The following MACROD2 variants were observed in gnomAD, a reference collection of about 807,000 sequenced individuals.
MACROD2 encodes the protein mono-ADP ribosylhydrolase 2, also known as ADP-ribose glycohydrolase MACROD2.
Under a neutral mutation model 70.4 loss-of-function variants are expected in MACROD2, and 36 were observed. The observed-to-expected ratio is 0.51, with a 90% CI of 0.39 to 0.68. MACROD2 has a LOEUF of 0.68. Ranked by LOEUF, MACROD2 falls within the 30% of genes least tolerant of loss-of-function variation. MACROD2 has a pLI of 0.00. For missense variants in MACROD2, 496 were observed against 538.4 expected, an observed-to-expected ratio of 0.92 and a Z score of 0.78; for synonymous variants, 172 against 178.8, an observed-to-expected ratio of 0.96 and a Z score of 0.30.
At chr20:15,794,813 C>A (rs533200710) in intron 8 of MACROD2, among the ~76,000 whole-genome samples, 6 of 152,116 alleles carry the variant, frequency 3.9e-5, no homozygotes, top group Non-Finnish European at 8.8e-5. Context: ...AACTGACATC[C>A]GTAACAGAGA....
chr20:14,653,239 G>A (rs1227040946), intron 4 of MACROD2, among the ~76,000 whole-genome samples: 2 of 133,342 alleles, frequency 1.5e-5, no homozygotes, highest in South Asian at 4.7e-4. Flanking sequence ...TTTTTTTTGA[G>A]ACGGAGTTTC....
At chr20:14,763,938 C>A (rs2072050750) in intron 5 of MACROD2, among the ~76,000 whole-genome samples, 1 of 152,056 alleles carries the variant, frequency 6.6e-6, no homozygotes, top group South Asian at 2.1e-4. Flanking sequence ...GGTTCACAAA[C>A]CTCAGATATA....
chr20:14,535,864 C>G (rs1011233918), intron 4 of MACROD2, among the ~76,000 whole-genome samples: 2 of 152,120 alleles, frequency 1.3e-5, no homozygotes, highest in Non-Finnish European at 1.5e-5. Flanking sequence ...GAAGATTTCA[C>G]TAGTTCTTCA....
chr20:15,088,443 ATATATATAATATTT>A (rs1568567441), intron 5 of MACROD2, among the ~76,000 whole-genome samples: 19 of 46,364 alleles, frequency 4.1e-4, no homozygotes, highest in African/African-American at 1.4e-3. Context: ...ATATATATAT[ATATATATAATATTT>A]TGTGTGTGTG....
At chr20:16,002,634 A>AG (rs1380125682) in intron 15 of MACROD2, among the ~76,000 whole-genome samples, 2 of 152,212 alleles carry the variant, frequency 1.3e-5, no homozygotes, top group African/African-American at 4.8e-5. Flanking sequence ...AAACCGTAGT[A>AG]GGTAATCAAA....
rs1361583486 is a variant in MACROD2, at chr20:15,233,967, TTTTATATATATTTATTTATATA to T, written c.540+3908_540+3929del. ...TTACCCTTGGATCCAAAAAATTTAT[TTTTATATATATTTATTTATATA>T]TATATATATATATATATATATTCTT... On this transcript the variant is annotated intron_variant, in intron 6 of 17. Transcript: ENST00000684519. Among the ~76,000 whole-genome samples, 135 of 48,592 alleles carry T rather than the reference TTTTATATATATTTATTTATATA, an allele frequency of 2.8e-3. 7 individuals carry two copies. Among genetic ancestry groups the T allele is most frequent in the African/African-American group, 0.01 (125 of 11,908 alleles). The allele number at this position is 48,592 out of a possible 152,430, so 31.9% of individuals were successfully genotyped here.
At chr20:14,959,905 C>G (rs1392226598) in intron 5 of MACROD2, among the ~76,000 whole-genome samples, 2 of 152,116 alleles carry the variant, frequency 1.3e-5, no homozygotes, top group African/African-American at 2.4e-5. Flanking sequence ...CAAGAGGTAG[C>G]CTTAGGCCTA....
At chr20:14,702,650 CACAT>C (rs1177191211) in intron 5 of MACROD2, among the ~76,000 whole-genome samples, 1 of 39,138 alleles carries the variant, frequency 2.6e-5, no homozygotes, top group African/African-American at 1.1e-4. Context: ...TATATATATA[CACAT>C]ATATATGTGT....
intron 15 of MACROD2, among the ~76,000 whole-genome samples, chr20:16,033,862 T>A (rs200486471): frequency 6.9e-6 from 1 of 145,264 alleles, no homozygotes; most frequent in African/African-American, 2.6e-5. Flanking sequence ...GGGGGTGGGG[T>A]GGGGGAGAAA....
chr20:16,023,468 C>T (rs2067031682), intron 15 of MACROD2, among the ~76,000 whole-genome samples: 1 of 78,550 alleles, frequency 1.3e-5, no homozygotes, highest in Non-Finnish European at 2.5e-5. Context: ...AGCGAGACTC[C>T]ATCTCAAAAA....
intron 3 of MACROD2, among the ~76,000 whole-genome samples, chr20:14,408,337 T>G (rs1429501645): frequency 1.3e-5 from 2 of 152,158 alleles, no homozygotes; most frequent in Non-Finnish European, 2.9e-5. Flanking sequence ...CCCAGCAGTT[T>G]GTTTCTCACA....
intron 4 of MACROD2, among the ~76,000 whole-genome samples, chr20:14,600,407 T>A (rs117304489): frequency 0.029 from 4,308 of 150,868 alleles, 107 homozygotes; most frequent in Non-Finnish European, 0.036. Context: ...TAGTTTATTA[T>A]ATTGAGAGAA....
chr20:15,860,499 C>T (rs1199471230), intron 8 of MACROD2, among the ~76,000 whole-genome samples: 1 of 152,054 alleles, frequency 6.6e-6, no homozygotes, highest in Non-Finnish European at 1.5e-5. Context: ...CCAAGTAGTT[C>T]AATGTGGCTT....
chr20:15,479,776 A>G (rs952922382), intron 7 of MACROD2, among the ~76,000 whole-genome samples: 1 of 152,098 alleles, frequency 6.6e-6, no homozygotes, highest in Non-Finnish European at 1.5e-5. Flanking sequence ...TTTATTTTTC[A>G]CACCAGCTGC....
At chr20:15,933,213 C>T (rs907883745) in intron 10 of MACROD2, 63 bp from the exon 11 acceptor site, 36 of 1,493,880 alleles carry the variant, frequency 2.4e-5, no homozygotes, top group Non-Finnish European at 2.7e-5. Context: ...GCATATTAGC[C>T]GTAAAGAGAT....
At chr20:15,918,598 T>C (rs2065354829) in intron 10 of MACROD2, among the ~76,000 whole-genome samples, 1 of 152,146 alleles carries the variant, frequency 6.6e-6, no homozygotes, top group Non-Finnish European at 1.5e-5. Flanking sequence ...AACAGGGAAA[T>C]TGGGTTTATC....
At chr20:15,447,251 A>C (rs1409256580) in intron 7 of MACROD2, among the ~76,000 whole-genome samples, 1 of 152,172 alleles carries the variant, frequency 6.6e-6, no homozygotes, top group African/African-American at 2.4e-5. Context: ...AAGAAGTTAA[A>C]GCAAGCTGGC....
intron 6 of MACROD2, among the ~76,000 whole-genome samples, chr20:15,242,480 G>A (rs1167160294): frequency 1.3e-5 from 2 of 152,104 alleles, no homozygotes; most frequent in African/African-American, 4.8e-5. Context: ...ATTCATAAGA[G>A]ATACTGGTCT....
chr20:14,721,390 CTG>C (rs2071468082), intron 5 of MACROD2, among the ~76,000 whole-genome samples: 1 of 152,024 alleles, frequency 6.6e-6, no homozygotes, highest in South Asian at 2.1e-4. Flanking sequence ...GAGCGAGATA[CTG>C]TCTCAAAAAC....
Sources: allele counts gnomAD v4.1 joint callset (sites outside exome capture counted in the v4.1 genomes callset), GRCh38; gene constraint gnomAD v4.1.1; transcripts MANE v1.5; gene names NCBI Gene and HGNC (gene_info 2026-07-23, HGNC 2026-07-21).